THEMIS: variants seen among roughly 807,000 people sequenced by gnomAD.
The protein encoded by THEMIS is thymocyte selection associated.
THEMIS carries 37 observed loss-of-function variants against 52.6 expected under a neutral mutation model. The observed-to-expected ratio is 0.70, with a 90% CI of 0.54 to 0.93. THEMIS has a LOEUF of 0.93. Among genes scored for constraint, THEMIS ranks in the 40% least tolerant of loss-of-function variants. THEMIS has a pLI of 0.00. For missense variants in THEMIS, 808 were observed against 763.1 expected (o/e 1.06, Z -0.69); for synonymous variants, 292 against 272.7 (o/e 1.07, Z -0.70).
chr6:127,715,696 G>T (rs1396458918), intron 5 of THEMIS, among the ~76,000 whole-genome samples: 1 of 151,778 alleles, frequency 6.6e-6, no homozygotes, highest in Non-Finnish European at 1.5e-5. Flanking sequence ...CAGGGAGTTT[G>T]TTTTTTTCTG....
intron 4 of THEMIS, among the ~76,000 whole-genome samples, chr6:127,763,828 TATC>T (rs1350826291): frequency 6.6e-6 from 1 of 151,970 alleles, no homozygotes; most frequent in Non-Finnish European, 1.5e-5. Context: ...ATTTTGTAAA[TATC>T]ATGCTAAAGT....
chr6:127,852,763 C>A (rs1779473782), intron 2 of THEMIS, among the ~76,000 whole-genome samples: 1 of 151,498 alleles, frequency 6.6e-6, no homozygotes, highest in African/African-American at 2.4e-5. Context: ...GAAGAATTAT[C>A]CCTGTATCTG....
intron 1 of THEMIS, among the ~76,000 whole-genome samples, chr6:127,917,968 T>G (rs1024760575): frequency 3.3e-5 from 5 of 152,214 alleles, no homozygotes; most frequent in Admixed American, 6.5e-5. Context: ...GTCAGCTTAT[T>G]TCACTCTTAT....
At chr6:127,882,529 T>TA (rs1405694564) in intron 1 of THEMIS, among the ~76,000 whole-genome samples, 3 of 151,908 alleles carry the variant, frequency 2.0e-5, no homozygotes, top group Non-Finnish European at 4.4e-5. Context: ...TGTAAACATG[T>TA]AAAAAAATTC....
chr6:127,788,685 G>A (rs1777057698), intron 4 of THEMIS, among the ~76,000 whole-genome samples: 1 of 152,052 alleles, frequency 6.6e-6, no homozygotes, highest in Non-Finnish European at 1.5e-5. Context: ...CATCAGCAGA[G>A]ATTATTTCTT....
chr6:127,901,148 G>T, upstream of THEMIS: 1 of 575,810 alleles, frequency 1.7e-6, no homozygotes, highest in Non-Finnish European at 3.1e-6. Flanking sequence ...AGCTCTTTTT[G>T]TTCACATTGT....
chr6:127,709,973 T>A lies in THEMIS; in HGVS notation c.*12A>T. 1 of 1,587,672 alleles carries A rather than the reference T, an allele frequency of 6.3e-7. No individual in the cohort carries two copies. The highest frequency in any genetic ancestry group is 1.4e-5 in the African/African-American group (1 of 73,304). On this transcript the variant is annotated 3_prime_UTR_variant, in exon 6 of 6. Coordinates refer to ENST00000368248, the MANE Select transcript of THEMIS (RefSeq NM_001010923.3). Reference sequence around the variant, plus strand: ...TTATGTTTGCTGCCTAAGTGGCTTCTGTCACATCTTGTTATTTTTGATGTT... The same window carrying A: ...TTATGTTTGCTGCCTAAGTGGCTTCAGTCACATCTTGTTATTTTTGATGTT...
In THEMIS at chr6:127,719,854, C is replaced by T. The variant is rs1426254945; in HGVS notation, c.1759-31G>A. On this transcript the variant is annotated intron_variant, in intron 4 of 5. Transcript: ENST00000368248. The stretch of plus-strand genomic sequence containing the variant: ...ATGACACAGGTCACAAGTAAATTAT[C>T]AGTCCAAAATAAATGCTTCATAGAG... 6.2e-6 allele frequency: 10 copies of T among 1,607,486 alleles called. No individual in the cohort carries two copies. The South Asian group carries it at 1.1e-4, about 18-fold the overall frequency.
intron 1 of THEMIS, chr6:127,868,443 G>C (rs1318070483): frequency 1.0e-6 from 1 of 985,178 alleles, no homozygotes; most frequent in African/African-American, 1.7e-5. Context: ...CTTAGATTGG[G>C]GATAAAGACA....
At chr6:127,751,984 A>G (rs183719269) in intron 4 of THEMIS, among the ~76,000 whole-genome samples, 1 of 151,892 alleles carries the variant, frequency 6.6e-6, no homozygotes, top group East Asian at 1.9e-4. Context: ...GAAGATTGAC[A>G]TCATATCAGG....
chr6:127,810,030 A>G (rs1777847861), intron 4 of THEMIS, among the ~76,000 whole-genome samples: 1 of 151,676 alleles, frequency 6.6e-6, no homozygotes. Flanking sequence ...AAAAACAGCT[A>G]GGAATTATTA....
At chr6:127,835,595 T>A (rs1778848832) in intron 2 of THEMIS, among the ~76,000 whole-genome samples, 1 of 152,214 alleles carries the variant, frequency 6.6e-6, no homozygotes, top group Non-Finnish European at 1.5e-5. Context: ...CCTGGGATTC[T>A]AAGCCATTGT....
chr6:127,913,831 A>G (rs546001003), intron 1 of THEMIS, among the ~76,000 whole-genome samples: 2 of 152,338 alleles, frequency 1.3e-5, no homozygotes, highest in East Asian at 1.9e-4. Flanking sequence ...TATTGATTGG[A>G]AATGATGATC....
At chr6:127,865,297 T>C (rs971906658) in intron 1 of THEMIS, among the ~76,000 whole-genome samples, 1 of 152,086 alleles carries the variant, frequency 6.6e-6, no homozygotes, top group Non-Finnish European at 1.5e-5. Context: ...GTCCAAAGTA[T>C]ACAAAACACT....
chr6:127,725,227 C>T (rs1774498537), intron 4 of THEMIS, among the ~76,000 whole-genome samples: 1 of 152,064 alleles, frequency 6.6e-6, no homozygotes, highest in Non-Finnish European at 1.5e-5. Context: ...GAAGAAATTT[C>T]AAGTGATATT....
intron 4 of THEMIS, among the ~76,000 whole-genome samples, chr6:127,801,968 A>G (rs1777550540): frequency 6.6e-6 from 1 of 152,208 alleles, no homozygotes; most frequent in Non-Finnish European, 1.5e-5. Flanking sequence ...TGGTGGAAGG[A>G]ACATACAGTT....
At chr6:127,828,480 C>T (rs1183739306) in intron 3 of THEMIS, among the ~76,000 whole-genome samples, 3 of 152,052 alleles carry the variant, frequency 2.0e-5, no homozygotes, top group Admixed American at 6.6e-5. Context: ...TGAAAACCAA[C>T]ACCTATTAAG....
At chr6:127,872,383 C>A (rs1780183640) in intron 1 of THEMIS, among the ~76,000 whole-genome samples, 1 of 151,982 alleles carries the variant, frequency 6.6e-6, no homozygotes, top group African/African-American at 2.4e-5. Flanking sequence ...ACCAGCCTGG[C>A]CAATATGGTG....
chr6:127,757,755 T>C (rs1775883460), intron 4 of THEMIS, among the ~76,000 whole-genome samples: 4 of 152,150 alleles, frequency 2.6e-5, no homozygotes, highest in Admixed American at 2.0e-4. Context: ...AGTGCTGGGA[T>C]TACAGGCATG....
Sources: gnomAD v4.1 joint callset for allele counts (sites outside exome capture counted in the v4.1 genomes callset) on GRCh38, gnomAD v4.1.1 for gene constraint, MANE v1.5 for transcripts, NCBI Gene and HGNC (gene_info 2026-07-23, HGNC 2026-07-21) for gene names.